GRID2: variants seen among roughly 807,000 people sequenced by gnomAD.
GRID2 encodes glutamate ionotropic receptor delta type subunit 2, also known as glutamate receptor ionotropic, delta-2.
Under a neutral mutation model 114.8 loss-of-function variants are expected in GRID2, and 33 were observed. The ratio of observed to expected loss-of-function variants is 0.29; its 90% CI spans 0.22 to 0.38. GRID2 has a LOEUF of 0.38. GRID2 is among the 10% of genes least tolerant of loss of function. The pLI is 1.00. For missense variants in GRID2, 1,184 were observed against 1,257.7 expected (o/e 0.94, Z 0.89); for synonymous variants, 505 against 449.9 (o/e 1.12, Z -1.55).
At chr4:92,658,384 A>G (rs1005738787) in intron 2 of GRID2, among the ~76,000 whole-genome samples, 2 of 151,774 alleles carry the variant, frequency 1.3e-5, no homozygotes, top group Admixed American at 1.3e-4. Flanking sequence ...ATGTTCAGAG[A>G]AAGTGAGTGT....
intron 2 of GRID2, among the ~76,000 whole-genome samples, chr4:92,969,852 T>A (rs1236326767): frequency 6.6e-6 from 1 of 151,874 alleles, no homozygotes; most frequent in Non-Finnish European, 1.5e-5. Context: ...ATAACCAAGG[T>A]TGCCTGAGGA....
At chr4:92,583,404 C>T (rs1178816165) in intron 1 of GRID2, among the ~76,000 whole-genome samples, 1 of 151,884 alleles carries the variant, frequency 6.6e-6, no homozygotes, top group African/African-American at 2.4e-5. Context: ...CAATTAGAGT[C>T]ATTGTTTTGG....
At position 93,162,878 on chromosome 4, in the gene GRID2, C is replaced by T. The variant is rs575298326; in HGVS notation, c.736-44526C>T. On this transcript the variant is annotated intron_variant, in intron 4 of 15. Coordinates refer to ENST00000282020, the MANE Select transcript of GRID2 (RefSeq NM_001510.4). ...ACAGCTCAAAACACAATATTGAATGCTGTGCAAGATTAAATGAAGAGAAAA... is the reference window on the plus strand; with the variant it reads ...ACAGCTCAAAACACAATATTGAATGTTGTGCAAGATTAAATGAAGAGAAAA... 2.4e-4 allele frequency among the ~76,000 whole-genome samples: 37 copies of T among 151,954 alleles called. No homozygotes were observed. The South Asian group carries it at 2.9e-3, about 12-fold the overall frequency.
At chr4:92,953,627 C>T (rs1414243750) in intron 2 of GRID2, among the ~76,000 whole-genome samples, 1 of 152,060 alleles carries the variant, frequency 6.6e-6, no homozygotes, top group East Asian at 1.9e-4. Flanking sequence ...AGAATTACAG[C>T]TCAAGTCTCT....
chr4:92,334,766 T>G (rs1727078969), intron 1 of GRID2, among the ~76,000 whole-genome samples: 1 of 152,182 alleles, frequency 6.6e-6, no homozygotes, highest in Admixed American at 6.5e-5. Context: ...ATTCAAATCA[T>G]AACAGTACTG....
At chr4:93,357,881 G>A (rs1403310712) in intron 8 of GRID2, among the ~76,000 whole-genome samples, 2 of 151,484 alleles carry the variant, frequency 1.3e-5, no homozygotes, top group East Asian at 3.9e-4. Flanking sequence ...TATATATTTT[G>A]TTTTATTGAC....
Position 93,013,936 on chromosome 4 carries a change from T to C in GRID2, c.245-71059T>C, listed in dbSNP as rs986941459. 7.9e-5 allele frequency among the ~76,000 whole-genome samples: 12 copies of C among 152,062 alleles called. No individual in the cohort carries two copies. The South Asian group carries it at 2.1e-3, about 26-fold the overall frequency. On this transcript the variant is annotated intron_variant, in intron 2 of 15. Transcript: ENST00000282020. ...GGAGAAATAAAAGATGATAAAATAT[T>C]GAATAATATTTACCTGGTTCTCCAG...
intron 1 of GRID2, among the ~76,000 whole-genome samples, chr4:92,404,159 C>T (rs964326903): frequency 6.6e-6 from 1 of 152,080 alleles, no homozygotes; most frequent in Non-Finnish European, 1.5e-5. Flanking sequence ...AAATCAATTT[C>T]TGCAAAGAGC....
chr4:93,425,755 G>A (rs1331766389), intron 10 of GRID2, among the ~76,000 whole-genome samples: 2 of 152,204 alleles, frequency 1.3e-5, no homozygotes, highest in East Asian at 3.9e-4. Flanking sequence ...TGACAAGTTA[G>A]TTAATAAGAC....
chr4:93,608,837 T>C (rs1434438464), intron 13 of GRID2, among the ~76,000 whole-genome samples: 1 of 134,972 alleles, frequency 7.4e-6, no homozygotes, highest in Admixed American at 7.3e-5. Context: ...AGTAATGGGA[T>C]GGCTGGGTCA....
chr4:92,885,330 C>T (rs1746302339), intron 2 of GRID2, among the ~76,000 whole-genome samples: 1 of 152,198 alleles, frequency 6.6e-6, no homozygotes, highest in Admixed American at 6.5e-5. Context: ...CTGGTTGCAA[C>T]AGCCTTTCCT....
intron 2 of GRID2, among the ~76,000 whole-genome samples, chr4:92,889,065 T>A (rs1425408349): frequency 6.6e-6 from 1 of 152,148 alleles, no homozygotes; most frequent in Non-Finnish European, 1.5e-5. Flanking sequence ...AGACAGTATG[T>A]TTTACATGGC....
chr4:93,260,349 A>G (rs1257544834), intron 8 of GRID2, among the ~76,000 whole-genome samples: 2 of 151,246 alleles, frequency 1.3e-5, no homozygotes, highest in East Asian at 1.9e-4. Flanking sequence ...TACATCTATT[A>G]GGCACATTGC....
intron 2 of GRID2, among the ~76,000 whole-genome samples, chr4:93,069,067 C>T (rs1728572936): frequency 6.6e-6 from 1 of 151,840 alleles, no homozygotes; most frequent in Non-Finnish European, 1.5e-5. Flanking sequence ...AAAACTGACT[C>T]ACTATCACAA....
intron 2 of GRID2, among the ~76,000 whole-genome samples, chr4:93,012,483 A>G (rs1359108590): frequency 6.6e-6 from 1 of 152,082 alleles, no homozygotes; most frequent in African/African-American, 2.4e-5. Flanking sequence ...GCCTAGGGCA[A>G]CGTGGTGTAA....
intron 10 of GRID2, among the ~76,000 whole-genome samples, chr4:93,447,187 A>ATAAT (rs1722169106): frequency 1.3e-5 from 2 of 151,992 alleles, no homozygotes; most frequent in African/African-American, 4.8e-5. Flanking sequence ...TGATAACAAA[A>ATAAT]GCACTACATG....
chr4:92,899,591 T>G lies in GRID2; in HGVS notation c.245-185404T>G, dbSNP rs541695615. ...TAGTCAGAGTTCTTTAATTGTTTGT[T>G]ATTTTGTTTTATTCATTTACATTTT... On this transcript the variant is annotated intron_variant, in intron 2 of 15. Coordinates refer to ENST00000282020, the MANE Select transcript of GRID2 (RefSeq NM_001510.4). 2.4e-4 allele frequency among the ~76,000 whole-genome samples: 36 copies of G among 151,832 alleles called. No homozygotes were observed. The South Asian group carries it at 6.8e-3, about 29-fold the overall frequency.
At chr4:92,916,516 C>T (rs1413937797) in intron 2 of GRID2, among the ~76,000 whole-genome samples, 1 of 152,066 alleles carries the variant, frequency 6.6e-6, no homozygotes, top group South Asian at 2.1e-4. Flanking sequence ...CCCCCAGCCC[C>T]CACCCCACAA....
At chr4:92,902,907 G>C (rs1747682305) in intron 2 of GRID2, among the ~76,000 whole-genome samples, 1 of 151,816 alleles carries the variant, frequency 6.6e-6, no homozygotes, top group Non-Finnish European at 1.5e-5. Context: ...TTAACACATG[G>C]ATCTATGTGT....
Sources: gnomAD v4.1 joint callset for allele counts (sites outside exome capture counted in the v4.1 genomes callset) on GRCh38, gnomAD v4.1.1 for gene constraint, MANE v1.5 for transcripts, NCBI Gene and HGNC (gene_info 2026-07-23, HGNC 2026-07-21) for gene names.